DNLZ: variants seen among roughly 807,000 people sequenced by gnomAD.
DNLZ encodes DNL-type zinc finger.
Under a neutral mutation model 7.8 loss-of-function variants are expected in DNLZ, and 15 were observed. The observed-to-expected ratio is 1.91, with a 90% CI of 1.28 to 2.95. The LOEUF is 2.95. Ranked by LOEUF, DNLZ falls within the 30% of genes most tolerant of loss-of-function variation. The probability of loss-of-function intolerance (pLI) is 0.00; values close to 1 mark genes in which losing one functional copy is unlikely to be tolerated. For synonymous variants in DNLZ, 123 were observed against 77.8 expected (o/e 1.58, Z -3.05); for missense variants, 255 against 167.3 (o/e 1.52, Z -2.89).
chr9:136,362,658 AC>A (rs1479479816), intron 2 of DNLZ, among the ~76,000 whole-genome samples: 1 of 152,140 alleles, frequency 6.6e-6, no homozygotes, highest in Non-Finnish European at 1.5e-5. Flanking sequence ...TGGGCCAGCC[AC>A]CCCAAGATGG....
chr9:136,362,279 AC>A, intron 2 of DNLZ, 99 bp from the exon 3 acceptor site: 2 of 1,117,526 alleles, frequency 1.8e-6, no homozygotes, highest in Non-Finnish European at 2.4e-6. Context: ...AGCTGCAAGC[AC>A]CAGGCCCAGC....
chr9:136,360,940 A>G lies in DNLZ; in HGVS notation c.*1072T>C, dbSNP rs1415833393. The G allele has an allele frequency of 6.6e-6, 1 of 152,228 alleles. No individual in the cohort carries two copies. Among genetic ancestry groups the G allele is most frequent in the Non-Finnish European group, 1.5e-5 (1 of 68,074 alleles). The allele number at this position is 152,228 out of a possible 1,614,324, so 9.4% of individuals were successfully genotyped here. On this transcript the variant is annotated 3_prime_UTR_variant, in exon 3 of 3. Transcript: ENST00000371738. The stretch of plus-strand genomic sequence containing the variant: ...CCAAGCCCCCAAGAGACCCCCAGCC[A>G]GTGCCTCCATGGAGGAGCAGGCCTG...
intron 1 of DNLZ, 76 bp from the exon 2 acceptor site, chr9:136,363,204 T>G: frequency 6.4e-7 from 1 of 1,559,614 alleles, no homozygotes; most frequent in South Asian, 1.1e-5. Context: ...CCTCTAGGGG[T>G]AGCTCCAGCC....
At position 136,360,875 on chromosome 9, in the gene DNLZ, G is replaced by C. The variant is rs1832969290; in HGVS notation, c.*1137C>G. The C allele has an allele frequency of 1.3e-5, 2 of 152,186 alleles. No individual in the cohort carries two copies. Among genetic ancestry groups the C allele is most frequent in the African/African-American group, 4.8e-5 (2 of 41,418 alleles). 9.4% of individuals were successfully genotyped at this position (152,186 alleles called of 1,614,324 possible). A position where few individuals can be genotyped will look rare whatever the true frequency, so the allele number is the denominator to read the frequency against. On this transcript the variant is annotated 3_prime_UTR_variant, in exon 3 of 3. Coordinates refer to ENST00000371738, the MANE Select transcript of DNLZ (RefSeq NM_001080849.3). ...ACATGCTGGTCCAGGCCCTCTGGAG[G>C]CAGTGAGGCAGCCAAGCCAAGCCCA...
Position 136,363,525 on chromosome 9 carries a change from C to A in DNLZ, c.190G>T (p.Val64Leu), listed in dbSNP as rs368570491. 1 of 752,280 alleles carries A rather than the reference C, an allele frequency of 1.3e-6. No homozygotes were observed. Among genetic ancestry groups the A allele is most frequent in the South Asian group, 1.4e-5 (1 of 73,496 alleles). The allele number at this position is 752,280 out of a possible 1,614,324, so 46.6% of individuals were successfully genotyped here. A position where few individuals can be genotyped will look rare whatever the true frequency, so the allele number is the denominator to read the frequency against. ...GPGPAAALGR[V>L]EAAHYQLVYT... ...ACGAGCTGGTAGTGCGCCGCCTCCA[C>A]GCGCCCCAGAGCCGCCGCGGGCCCC... is the stretch of plus-strand genomic sequence containing the variant. The change falls in exon 1 of 3, where the codon GTG (valine) becomes TTG (leucine). Residue 64 changes from valine (V) to leucine (L), a missense_variant. By Grantham distance (32) the Val-to-Leu change is conservative (BLOSUM62 1). Coordinates refer to ENST00000371738, the MANE Select transcript of DNLZ (RefSeq NM_001080849.3).
chr9:136,360,409 G>T lies in DNLZ; in HGVS notation c.*1603C>A, dbSNP rs1832961737. 1 of 152,262 alleles carries T rather than the reference G, an allele frequency of 6.6e-6. No individual in the cohort carries two copies. The highest frequency in any genetic ancestry group is 2.4e-5 in the African/African-American group (1 of 41,452). 9.4% of individuals were successfully genotyped at this position (152,262 alleles called of 1,614,324 possible). A position where few individuals can be genotyped will look rare whatever the true frequency, so the allele number is the denominator to read the frequency against. On this transcript the variant is annotated 3_prime_UTR_variant, in exon 3 of 3. Coordinates refer to ENST00000371738, the MANE Select transcript of DNLZ (RefSeq NM_001080849.3). ...GGTGCGGCCGAGGAACCTGCTTGGA[G>T]AGACGCTGTGACGAGGGATGCCCAG...
chr9:136,359,707 G>A lies in DNLZ; in HGVS notation c.*2305C>T, dbSNP rs1185775437. 1 of 152,444 alleles carries A rather than the reference G, an allele frequency of 6.6e-6. No individual in the cohort carries two copies. Among genetic ancestry groups the A allele is most frequent in the Non-Finnish European group, 1.5e-5 (1 of 68,170 alleles). The allele number at this position is 152,444 out of a possible 1,614,324, so 9.4% of individuals were successfully genotyped here. ...ACTGTCTGGGCCCTCTGAGACCTCAGAGAGATGGAGTTCCCACTGCATTTA... is the reference window on the plus strand; with the variant it reads ...ACTGTCTGGGCCCTCTGAGACCTCAAAGAGATGGAGTTCCCACTGCATTTA... On this transcript the variant is annotated 3_prime_UTR_variant, in exon 3 of 3. Coordinates refer to ENST00000371738, the MANE Select transcript of DNLZ (RefSeq NM_001080849.3).
rs375910201 is a variant in DNLZ at position 136,360,732 on chromosome 9, G to A, written c.*1280C>T. The A allele has an allele frequency of 3.3e-5, 5 of 152,294 alleles. No homozygotes were observed. The highest frequency in any genetic ancestry group is 2.1e-4 in the South Asian group (1 of 4,828). 9.4% of individuals were successfully genotyped at this position (152,294 alleles called of 1,614,324 possible). ...CATCAGACAGAAAAGACATGGTAAC[G>A]TCCACATCCCAACTACCAGCCGCCA... On this transcript the variant is annotated 3_prime_UTR_variant, in exon 3 of 3. Transcript: ENST00000371738.
At chr9:136,363,355 C>G in intron 1 of DNLZ, 132 bp downstream of exon 1, 2 of 716,692 alleles carry the variant, frequency 2.8e-6, no homozygotes, top group Non-Finnish European at 2.5e-6. Context: ...CCAGAAGCCC[C>G]AAGGGGTGGC....
chr9:136,362,560 C>T (rs948640804), intron 2 of DNLZ, among the ~76,000 whole-genome samples: 1 of 152,238 alleles, frequency 6.6e-6, no homozygotes, highest in African/African-American at 2.4e-5. Flanking sequence ...AGGCAAGGCC[C>T]GGACCAGGCT....
chr9:136,363,207 C>T lies in DNLZ; in HGVS notation c.229-79G>A. On this transcript the variant is annotated intron_variant, in intron 1 of 2. Transcript: ENST00000371738. ...GGAAGACCCGCCCCTCTAGGGGTAGCTCCAGCCACCTCACCCTCTCCAGAG... is the reference window on the plus strand; with the variant it reads ...GGAAGACCCGCCCCTCTAGGGGTAGTTCCAGCCACCTCACCCTCTCCAGAG... 5 of 1,534,300 alleles carry T rather than the reference C, an allele frequency of 3.3e-6. No homozygotes were observed. The South Asian group carries it at 4.6e-5, about 14-fold the overall frequency.
chr9:136,362,931 G>T (rs1833008316), intron 2 of DNLZ, 58 bp downstream of exon 2: 13 of 1,565,102 alleles, frequency 8.3e-6, no homozygotes, highest in Non-Finnish European at 1.1e-5. Context: ...GGTTCCCCCA[G>T]GGAGGCCAGG....
Position 136,363,505 on chromosome 9 carries a change from C to A in DNLZ, c.210G>T (p.Gln70His), listed in dbSNP as rs373874590. The change falls in exon 1 of 3, where the codon CAG (glutamine) becomes CAT (histidine). Residue 70 changes from glutamine to histidine, a missense_variant. Gln to His is a conservative substitution (Grantham distance 24). Transcript: ENST00000371738. ...ALGRVEAAHY[Q>H]LVYTCKVCGT... The stretch of plus-strand genomic sequence containing the variant: ...CGCCTACCTTGCAGGTGTAGACGAG[C>A]TGGTAGTGCGCCGCCTCCACGCGCC... 2.0e-5 allele frequency: 15 copies of A among 757,858 alleles called. No individual in the cohort carries two copies. The African/African-American group carries it at 2.4e-4, about 12-fold the overall frequency. The allele number at this position is 757,858 out of a possible 1,614,324, so 46.9% of individuals were successfully genotyped here. A position where few individuals can be genotyped will look rare whatever the true frequency, so the allele number is the denominator to read the frequency against.
At position 136,363,597 on chromosome 9, in the gene DNLZ, G is replaced by A. The variant is rs1338798337; in HGVS notation, c.118C>T (p.Arg40Trp). The A allele has an allele frequency of 1.7e-5, 10 of 582,470 alleles. No individual in the cohort carries two copies. Among genetic ancestry groups the A allele is most frequent in the Middle Eastern group, 4.3e-4 (1 of 2,346 alleles). 36.1% of individuals were successfully genotyped at this position (582,470 alleles called of 1,614,324 possible). The change falls in exon 1 of 3, where the codon CGG becomes TGG. Residue 40 changes from arginine to tryptophan, a missense_variant. Transcript: ENST00000371738. ...GARPEVAGRRRAWAWGWRRSS... is the reference protein window; with the variant it reads ...GARPEVAGRRWAWAWGWRRSS... ...CGCCGCCAGCCCCAGGCCCAGGCCC[G>A]CCGCCTCCCCGCGACCTCTGGACGG...
rs1376629821 is a variant in DNLZ at position 136,359,555 on chromosome 9, A to G, written c.*2457T>C. On this transcript the variant is annotated 3_prime_UTR_variant, in exon 3 of 3. Transcript: ENST00000371738. ...ATGGGTCCTTTCCAACCCAAGAGGT[A>G]CATTTGTTTTTCTGTTTTTCCTGAA... The G allele has an allele frequency of 6.6e-6, 1 of 152,370 alleles. No homozygotes were observed. The highest frequency in any genetic ancestry group is 1.5e-5 in the Non-Finnish European group (1 of 68,038). The allele number at this position is 152,370 out of a possible 1,614,324, so 9.4% of individuals were successfully genotyped here. A position where few individuals can be genotyped will look rare whatever the true frequency, so the allele number is the denominator to read the frequency against.
chr9:136,363,338 C>A (rs1833019538), intron 1 of DNLZ, 149 bp downstream of exon 1: 2 of 693,962 alleles, frequency 2.9e-6, no homozygotes, highest in Non-Finnish European at 5.2e-6. Flanking sequence ...TCCGCCTCCG[C>A]TCCCTCCCAG....
In DNLZ at chr9:136,361,258, G is replaced by C. The variant is rs1170533045; in HGVS notation, c.*754C>G. ...ATTCTCTTCCCTGCCGGAGTGTGGC[G>C]GGTGATGAATGCTGAAGGTTACGCT... On this transcript the variant is annotated 3_prime_UTR_variant, in exon 3 of 3. Transcript: ENST00000371738. 1 of 152,282 alleles carries C rather than the reference G, an allele frequency of 6.6e-6. No homozygotes were observed. Among genetic ancestry groups the C allele is most frequent in the African/African-American group, 2.4e-5 (1 of 41,456 alleles). The allele number at this position is 152,282 out of a possible 1,614,324, so 9.4% of individuals were successfully genotyped here.
intron 2 of DNLZ, among the ~76,000 whole-genome samples, chr9:136,362,572 C>G (rs748641631): frequency 1.1e-4 from 17 of 152,216 alleles, no homozygotes; most frequent in Non-Finnish European, 1.9e-4. Flanking sequence ...GACCAGGCTC[C>G]CGGCACCACC....
rs548946934 is a variant in DNLZ, at chr9:136,361,823, AC to A, written c.*188del. 7.4e-4 allele frequency: 316 copies of A among 427,252 alleles called. 1 individual carries two copies. Among genetic ancestry groups the A allele is most frequent in the African/African-American group, 4.9e-3 (244 of 49,312 alleles). 26.5% of individuals were successfully genotyped at this position (427,252 alleles called of 1,614,324 possible). ...AGAGGTCCTGCGGCTCCTATGTCCC[AC>A]CCAGCAGCACCAGGGATTCAGAGCA... is the stretch of plus-strand genomic sequence containing the variant. On this transcript the variant is annotated 3_prime_UTR_variant, in exon 3 of 3. Transcript: ENST00000371738.
Sources: gnomAD v4.1 joint callset for allele counts (sites outside exome capture counted in the v4.1 genomes callset) on GRCh38, gnomAD v4.1.1 for gene constraint, MANE v1.5 for transcripts, NCBI Gene and HGNC (gene_info 2026-07-23, HGNC 2026-07-21) for gene names.